COG6: variants seen among roughly 807,000 people sequenced by gnomAD.
The protein encoded by COG6 is conserved oligomeric Golgi complex subunit 6.
In COG6, 74 loss-of-function variants were observed where a neutral mutation model predicts 88.8. That is an observed-to-expected ratio of 0.83 (90% CI 0.69 to 1.01). The LOEUF (loss-of-function observed/expected upper bound fraction) is 1.01. COG6 is among the 50% of genes least tolerant of loss of function. The pLI is 0.00. For missense variants in COG6, 800 were observed against 797.9 expected, an observed-to-expected ratio of 1.00 and a Z score of -0.03; for synonymous variants, 286 against 278.7, an observed-to-expected ratio of 1.03 and a Z score of -0.26.
In COG6 at chr13:39,723,619, G is replaced by A. The variant is rs45627632; in HGVS notation, c.1692+179G>A. Among the ~76,000 whole-genome samples the A allele has an allele frequency of 0.011, 1,602 of 152,108 alleles. 16 individuals carry two copies. The highest frequency in any genetic ancestry group is 0.016 in the Non-Finnish European group (1,100 of 67,956). On this transcript the variant is annotated intron_variant, in intron 16 of 18. Transcript: ENST00000455146. ...GATTGGGGGTAATAATAGTATCTGT[G>A]TCATAGGATTGTTCTTAAGACATAA...
chr13:39,752,555 T>A lies in COG6; in HGVS notation c.*1462T>A, dbSNP rs922517413. The A allele has an allele frequency of 1.1e-5, 14 of 1,246,010 alleles. No homozygotes were observed. The Admixed American group carries it at 1.9e-4, about 17-fold the overall frequency. 77.2% of individuals were successfully genotyped at this position (1,246,010 alleles called of 1,614,324 possible). A position where few individuals can be genotyped will look rare whatever the true frequency, so the allele number is the denominator to read the frequency against. On this transcript the variant is annotated 3_prime_UTR_variant, in exon 19 of 19. Transcript: ENST00000455146. ...AAGAAGATTGATACCTTGCTATGAG[T>A]GAATTCCTTTGTTTTATAGGGAAAA...
chr13:39,701,331 A>G (rs1244103474), intron 13 of COG6, among the ~76,000 whole-genome samples: 3 of 151,902 alleles, frequency 2.0e-5, no homozygotes, highest in Admixed American at 2.0e-4. Context: ...GGTGCCTATG[A>G]GAGATCCCTC....
chr13:39,734,553 C>G (rs9548906), intron 18 of COG6, among the ~76,000 whole-genome samples: 75,361 of 151,932 alleles, frequency 0.5, 19,181 homozygotes, highest in South Asian at 0.69. Flanking sequence ...CTATGTGCTG[C>G]AGAGAAAATG....
chr13:39,703,229 G>A (rs1877684320), intron 13 of COG6, among the ~76,000 whole-genome samples: 1 of 151,766 alleles, frequency 6.6e-6, no homozygotes, highest in African/African-American at 2.4e-5. Context: ...ACCTCCTACT[G>A]AAAAAGTGCC....
chr13:39,752,040 G>A lies in COG6; in HGVS notation c.*947G>A, dbSNP rs928670718. 1 of 1,284,672 alleles carries A rather than the reference G, an allele frequency of 7.8e-7. No homozygotes were observed. The highest frequency in any genetic ancestry group is 1.5e-5 in the African/African-American group (1 of 65,744). The allele number at this position is 1,284,672 out of a possible 1,614,324, so 79.6% of individuals were successfully genotyped here. ...AATTGGCAGTGTGTCTTATCTCCAT[G>A]TTGTAACTGGACTCTGACTTTAGAC... is the stretch of plus-strand genomic sequence containing the variant. On this transcript the variant is annotated 3_prime_UTR_variant, in exon 19 of 19. Transcript: ENST00000455146.
chr13:39,734,391 ATG>A (rs1254048282), intron 18 of COG6, among the ~76,000 whole-genome samples: 1 of 152,066 alleles, frequency 6.6e-6, no homozygotes, highest in Non-Finnish European at 1.5e-5. Flanking sequence ...TTAAATTTCC[ATG>A]TGTTTGTATA....
At chr13:39,771,674 C>T (rs1460366085) in intron 18 of COG6, among the ~76,000 whole-genome samples, 4 of 152,268 alleles carry the variant, frequency 2.6e-5, no homozygotes, top group Admixed American at 6.5e-5. Flanking sequence ...AGTCTACCCA[C>T]CTCACCAAAT....
chr13:39,764,029 C>G (rs142546036), intron 18 of COG6, among the ~76,000 whole-genome samples: 1,967 of 151,864 alleles, frequency 0.013, 52 homozygotes, highest in African/African-American at 0.045. Flanking sequence ...GCCAACTAAA[C>G]CTGGAGATGC....
In COG6 at chr13:39,782,192, G is replaced by A. The variant is rs539317396; in HGVS notation, c.1827-6143G>A. Among the ~76,000 whole-genome samples the A allele has an allele frequency of 7.9e-5, 12 of 152,270 alleles. No individual in the cohort carries two copies. The East Asian group carries it at 2.1e-3, about 27-fold the overall frequency. ...TCTAGAAACCTCGCTCTTTTCAAGA[G>A]GCCAGAGGGCCATCAGAGGATAACT... On this transcript the variant is annotated intron_variant, in intron 18 of 18. Coordinates refer to the COG6 transcript ENST00000416691.
At chr13:39,729,907 C>T (rs1879342128) in intron 18 of COG6, among the ~76,000 whole-genome samples, 1 of 152,144 alleles carries the variant, frequency 6.6e-6, no homozygotes, top group Non-Finnish European at 1.5e-5. Flanking sequence ...GTTGAACCAG[C>T]AGTGGGATTG....
At chr13:39,733,562 A>C (rs1228101733) in intron 18 of COG6, among the ~76,000 whole-genome samples, 2 of 150,240 alleles carry the variant, frequency 1.3e-5, no homozygotes, top group Non-Finnish European at 1.5e-5. Flanking sequence ...ATCATTGCTC[A>C]TCAGGGATAT....
downstream of COG6, among the ~76,000 whole-genome samples, chr13:39,756,909 G>A (rs1005708681): frequency 2.6e-5 from 4 of 152,042 alleles, no homozygotes; most frequent in African/African-American, 4.8e-5. Flanking sequence ...ATGAAAGGAC[G>A]CTAGACAAAA....
At chr13:39,765,910 G>A (rs1035842448) in intron 18 of COG6, among the ~76,000 whole-genome samples, 2 of 152,196 alleles carry the variant, frequency 1.3e-5, no homozygotes, top group African/African-American at 2.4e-5. Context: ...GAGCAATTAG[G>A]CCAAGTGCCA....
intron 18 of COG6, among the ~76,000 whole-genome samples, chr13:39,760,040 T>C (rs532871086): frequency 4.3e-4 from 66 of 152,346 alleles, no homozygotes; most frequent in African/African-American, 1.6e-3. Flanking sequence ...TACTTAAATA[T>C]GTTCTTTGTT....
intron 18 of COG6, among the ~76,000 whole-genome samples, chr13:39,740,643 A>T (rs1238672217): frequency 6.6e-6 from 1 of 152,280 alleles, no homozygotes; most frequent in South Asian, 2.1e-4. Flanking sequence ...GACGTCTGGC[A>T]TATATGATGA....
chr13:39,751,114 A>C lies in COG6; in HGVS notation c.*21A>C, dbSNP rs763494507. ...CCTGATTATCTTATTTCATTGTGTT[A>C]GCAAAATATGACCTCCCTAAAACAC... On this transcript the variant is annotated 3_prime_UTR_variant, in exon 19 of 19. Coordinates refer to ENST00000455146, the MANE Select transcript of COG6 (RefSeq NM_020751.3). 30 of 1,613,080 alleles carry C rather than the reference A, an allele frequency of 1.9e-5. 1 individual carries two copies. The South Asian group carries it at 3.2e-4, about 17-fold the overall frequency.
chr13:39,660,835 T>C lies in COG6; in HGVS notation c.323T>C (p.Val108Ala), dbSNP rs1210092612. 1 of 1,610,646 alleles carries C rather than the reference T, an allele frequency of 6.2e-7. No homozygotes were observed. The highest frequency in any genetic ancestry group is 1.7e-5 in the Admixed American group (1 of 60,018). The change falls in exon 3 of 19, where the codon GTT (valine) becomes GCT (alanine). Residue 108 changes from valine to alanine, a missense_variant. Transcript: ENST00000455146. ...GAACTTGAAAGCATAAGCGAAGATG[T>C]TCAAGCAATGAGCAACTGTTGTCAA... The part of the protein sequence containing the change: ...KEELESISED[V>A]QAMSNCCQDM...
intron 10 of COG6, 55 bp downstream of exon 10, chr13:39,687,854 C>T: frequency 2.4e-6 from 3 of 1,236,250 alleles, no homozygotes; most frequent in South Asian, 1.2e-5. Flanking sequence ...ACACAAGCAT[C>T]TCTGTTTCTG....
chr13:39,789,522 T>A (rs75373152), exon 19 of COG6: 2 of 43,218 alleles, frequency 4.6e-5, no homozygotes, highest in Non-Finnish European at 1.0e-4. Flanking sequence ...TGCTCCACCC[T>A]GACTCATTCT....
Sources: allele counts gnomAD v4.1 joint callset (sites outside exome capture counted in the v4.1 genomes callset), GRCh38; gene constraint gnomAD v4.1.1; transcripts MANE v1.5; gene names NCBI Gene and HGNC (gene_info 2026-07-23, HGNC 2026-07-21).